The following ZNF207 variants were observed in gnomAD, a reference collection of about 807,000 sequenced individuals.
The protein encoded by ZNF207 is zinc finger protein 207.
Under a neutral mutation model 60.2 loss-of-function variants are expected in ZNF207, and 24 were observed. The observed-to-expected ratio is 0.40, with a 90% CI of 0.29 to 0.56. The LOEUF (loss-of-function observed/expected upper bound fraction) is 0.56, where lower values mean the gene tolerates loss of function less well. ZNF207 is among the 20% of genes least tolerant of loss of function. The pLI is 0.49. For missense variants in ZNF207, 452 were observed against 636.6 expected (o/e 0.71, Z 3.12); for synonymous variants, 236 against 194.7 (o/e 1.21, Z -1.77).
chr17:32,351,473 T>C, intron 1 of ZNF207: 1 of 1,438,506 alleles, frequency 7.0e-7, no homozygotes, highest in Non-Finnish European at 9.1e-7. Context: ...AGTGTGCATT[T>C]GTAAATGTTG....
At chr17:32,352,060 C>T (rs571248779) in intron 2 of ZNF207, 148 bp downstream of exon 2, 4 of 701,264 alleles carry the variant, frequency 5.7e-6, no homozygotes, top group East Asian at 3.1e-5. Context: ...CTCTGCCTCT[C>T]GGGTTCAAGC....
At chr17:32,364,529 G>C (rs893769931) in intron 7 of ZNF207, among the ~76,000 whole-genome samples, 1 of 151,492 alleles carries the variant, frequency 6.6e-6, no homozygotes, top group Non-Finnish European at 1.5e-5. Flanking sequence ...CCGACAAATT[G>C]TTGTATTTTT....
chr17:32,371,197 A>G lies in ZNF207; in HGVS notation c.*1438A>G, dbSNP rs563846196. Reference sequence around the variant, plus strand: ...CAAATAACCTATGCAAAGTATTAATATAATGAACTCAAGTTGAGTTTTTCT... The same window carrying G: ...CAAATAACCTATGCAAAGTATTAATGTAATGAACTCAAGTTGAGTTTTTCT... On this transcript the variant is annotated 3_prime_UTR_variant, in exon 12 of 12. Coordinates refer to ENST00000394670, the MANE Select transcript of ZNF207 (RefSeq NM_001098507.2). 8 of 152,342 alleles carry G rather than the reference A, an allele frequency of 5.3e-5. No homozygotes were observed. The highest frequency in any genetic ancestry group is 1.2e-4 in the Non-Finnish European group (8 of 68,032). 9.4% of individuals were successfully genotyped at this position (152,342 alleles called of 1,614,324 possible). A position where few individuals can be genotyped will look rare whatever the true frequency, so the allele number is the denominator to read the frequency against.
chr17:32,355,056 G>A (rs1229472964), intron 2 of ZNF207, among the ~76,000 whole-genome samples: 5 of 152,162 alleles, frequency 3.3e-5, no homozygotes, highest in African/African-American at 1.2e-4. Context: ...TTAGATATGG[G>A]GTATAAGAAA....
chr17:32,367,649 T>C (rs904547981), intron 9 of ZNF207, 123 bp from the exon 10 acceptor site: 60 of 1,270,508 alleles, frequency 4.7e-5, no homozygotes, highest in Non-Finnish European at 6.3e-5. Flanking sequence ...ATTAACTTTG[T>C]ATTAATTTCA....
At chr17:32,358,349 T>C (rs979650293) in intron 2 of ZNF207, among the ~76,000 whole-genome samples, 154 bp from the exon 3 acceptor site, 1 of 152,228 alleles carries the variant, frequency 6.6e-6, no homozygotes, top group East Asian at 1.9e-4. Flanking sequence ...TTCACTGACA[T>C]GCTTAATGTC....
At position 32,371,626 on chromosome 17, in the gene ZNF207, G is replaced by A. The variant is rs567835535; in HGVS notation, c.*1867G>A. On this transcript the variant is annotated 3_prime_UTR_variant, in exon 12 of 12. Transcript: ENST00000394670. The stretch of plus-strand genomic sequence containing the variant: ...TAGCCAGGCGCGTTAGTGTGTGTCT[G>A]TGGTCCCAGCTGCTCAAGAGGCTGA... The A allele has an allele frequency of 5.3e-5, 8 of 152,350 alleles. No homozygotes were observed. In the East Asian group the frequency reaches 5.8e-4, roughly 11 times the overall value. The allele number at this position is 152,350 out of a possible 1,614,324, so 9.4% of individuals were successfully genotyped here. A position where few individuals can be genotyped will look rare whatever the true frequency, so the allele number is the denominator to read the frequency against.
At chr17:32,358,709 G>T (rs1253300592) in intron 3 of ZNF207, 68 bp downstream of exon 3, 3 of 1,189,766 alleles carry the variant, frequency 2.5e-6, no homozygotes, top group East Asian at 6.3e-5. Context: ...TGAGACAGAG[G>T]CTTACTCTGT....
chr17:32,379,473 A>G lies in ZNF207; in HGVS notation c.*9714A>G, dbSNP rs1007095435. ...ATTTCATTTTGGTGAGATGGAATAA[A>G]TGTTTAAAATTAGTATTTAAGAAAG... On this transcript the variant is annotated 3_prime_UTR_variant, in exon 12 of 12. Coordinates refer to ENST00000394670, the MANE Select transcript of ZNF207 (RefSeq NM_001098507.2). 6.6e-6 allele frequency: 1 copy of G among 152,138 alleles called. No individual in the cohort carries two copies. Among genetic ancestry groups the G allele is most frequent in the Non-Finnish European group, 1.5e-5 (1 of 67,988 alleles). The allele number at this position is 152,138 out of a possible 1,614,324, so 9.4% of individuals were successfully genotyped here. A position where few individuals can be genotyped will look rare whatever the true frequency, so the allele number is the denominator to read the frequency against.
At chr17:32,353,458 C>T (rs1265012538) in intron 2 of ZNF207, among the ~76,000 whole-genome samples, 1 of 151,904 alleles carries the variant, frequency 6.6e-6, no homozygotes, top group East Asian at 1.9e-4. Flanking sequence ...CCTTTTCACT[C>T]CAGATACTTT....
chr17:32,365,629 G>C, intron 8 of ZNF207, 142 bp downstream of exon 8: 1 of 728,848 alleles, frequency 1.4e-6, no homozygotes, highest in Non-Finnish European at 1.9e-6. Context: ...CTAAAAGGTG[G>C]CTTATCCACT....
intron 5 of ZNF207, 197 bp from the exon 6 acceptor site, chr17:32,361,271 C>G (rs1904867050): frequency 3.5e-6 from 2 of 573,546 alleles, no homozygotes; most frequent in Admixed American, 3.4e-5. Context: ...ATCTGTGACA[C>G]TTTGTAGTTG....
rs1242260171 is a variant in ZNF207 at position 32,360,676 on chromosome 17, C to A, written c.386C>A (p.Pro129Gln). The change falls in exon 4 of 12, where the codon CCA becomes CAA. Residue 129 changes from proline to glutamine, a missense_variant. Pro to Gln is a moderately conservative substitution (Grantham distance 76). Around this residue, in one of 2 missense-constraint regions of ZNF207, gnomAD observed 62 missense variants for 175.3 expected, o/e 0.35. Coordinates refer to ENST00000394670, the MANE Select transcript of ZNF207 (RefSeq NM_001098507.2). ...TCTGCAGCCTCAACTTCATTTCAGCCACAGCCTGTTCAACCTCAGCAAGGT... is the reference window on the plus strand; with the variant it reads ...TCTGCAGCCTCAACTTCATTTCAGCAACAGCCTGTTCAACCTCAGCAAGGT... ...DDSAASTSFQPQPVQPQQGYI... is the reference protein window; with the variant it reads ...DDSAASTSFQQQPVQPQQGYI... 6.2e-7 allele frequency: 1 copy of A among 1,613,820 alleles called. No individual in the cohort carries two copies. The highest frequency in any genetic ancestry group is 8.5e-7 in the Non-Finnish European group (1 of 1,180,006).
At chr17:32,367,240 T>C (rs552537165) in intron 9 of ZNF207, among the ~76,000 whole-genome samples, 6 of 20,022 alleles carry the variant, frequency 3.0e-4, no homozygotes, top group South Asian at 1.9e-3. Context: ...TGGAGGGGAT[T>C]ATATATATAT....
At chr17:32,367,271 A>ATGTATATATATTATG (rs1392199506) in intron 9 of ZNF207, among the ~76,000 whole-genome samples, 1 of 87,776 alleles carries the variant, frequency 1.1e-5, no homozygotes, top group Admixed American at 1.1e-4. Flanking sequence ...ATATATATAT[A>ATGTATATATATTATG]TATATATATA....
intron 2 of ZNF207, among the ~76,000 whole-genome samples, chr17:32,355,070 T>C (rs1342894366): frequency 3.9e-5 from 6 of 151,946 alleles, no homozygotes; most frequent in African/African-American, 1.5e-4. Context: ...TAAGAAAAAG[T>C]GAGGAGTTAA....
chr17:32,357,836 C>T (rs1406989156), intron 2 of ZNF207, among the ~76,000 whole-genome samples: 1 of 151,778 alleles, frequency 6.6e-6, no homozygotes, highest in Non-Finnish European at 1.5e-5. Flanking sequence ...GACTCTCCCT[C>T]TCACGCAGGC....
chr17:32,369,416 C>T lies in ZNF207; in HGVS notation c.1286C>T (p.Pro429Leu), dbSNP rs1472488039. The T allele has an allele frequency of 6.2e-7, 1 of 1,614,000 alleles. No homozygotes were observed. The highest frequency in any genetic ancestry group is 8.5e-7 in the Non-Finnish European group (1 of 1,180,042). Reference protein sequence around the residue: ...GGMMPPQPGIPQQQGMRPPMP... With the variant: ...GGMMPPQPGILQQQGMRPPMP... ...ATGATGCCACCACAGCCAGGCATCC[C>T]ACAGCAACAAGGAATGAGACCCCCA... The change falls in exon 11 of 12, where the codon CCA becomes CTA. Residue 429 changes from proline (P) to leucine (L), a missense_variant. By Grantham distance (98) the Pro-to-Leu change is moderately conservative (BLOSUM62 -3). Around this residue, in one of 2 missense-constraint regions of ZNF207, gnomAD observed 390 missense variants for 461.4 expected, o/e 0.85. Coordinates refer to ENST00000394670, the MANE Select transcript of ZNF207 (RefSeq NM_001098507.2).
intron 2 of ZNF207, among the ~76,000 whole-genome samples, chr17:32,357,172 A>T (rs1597765107): frequency 7.5e-6 from 1 of 133,802 alleles, no homozygotes; most frequent in Admixed American, 7.7e-5. Flanking sequence ...GCAGAGTGAG[A>T]CCCTGTCTTA....
Sources: gnomAD v4.1 joint callset for allele counts (sites outside exome capture counted in the v4.1 genomes callset) on GRCh38, gnomAD v4.1.1 for gene constraint, gnomAD v4.1.1 regional missense constraint, MANE v1.5 for transcripts, NCBI Gene and HGNC (gene_info 2026-07-23, HGNC 2026-07-21) for gene names.